The following FOXP1 variants were observed in gnomAD, a reference collection of about 807,000 sequenced individuals.
The protein encoded by FOXP1 is forkhead box P1, also known as forkhead box protein P1.
Under a neutral mutation model 98.2 loss-of-function variants are expected in FOXP1, and 15 were observed. That is an observed-to-expected ratio of 0.15 (90% confidence interval 0.10 to 0.24). The LOEUF is 0.24. FOXP1 is among the 10% of genes least tolerant of loss of function. FOXP1 has a pLI of 1.00. For synonymous variants in FOXP1, 371 were observed against 314.5 expected (o/e 1.18, Z -1.90); for missense variants, 633 against 848.5 (o/e 0.75, Z 3.15).
At chr3:71,160,047 C>A (rs1371969735) in intron 6 of FOXP1, among the ~76,000 whole-genome samples, 1 of 152,214 alleles carries the variant, frequency 6.6e-6, no homozygotes, top group Non-Finnish European at 1.5e-5. Flanking sequence ...CTGCAGAAGG[C>A]TCAAGAACCA....
chr3:71,384,897 G>T (rs576375751), intron 3 of FOXP1, among the ~76,000 whole-genome samples: 1 of 152,138 alleles, frequency 6.6e-6, no homozygotes, highest in Non-Finnish European at 1.5e-5. Context: ...CTAGAACCCT[G>T]AAAGGAAATC....
Position 71,198,331 on chromosome 3 carries a change from C to T in FOXP1, c.51G>A (p.Gln17=), listed in dbSNP as rs368833720. ...TETKSNGSAI[Q]NGSGGSNHLL... is the part of the protein sequence containing the mutation. ...AGTGGTTGCTGCCGCCCGACCCATT[C>T]TGGATGGCTGAACCGTTACTTTTTG... Residue 17 remains glutamine, a synonymous_variant, in exon 6 of 21, where the codon CAG becomes CAA. Transcript: ENST00000649528. The T allele has an allele frequency of 1.1e-5, 18 of 1,604,672 alleles. No homozygotes were observed. Among genetic ancestry groups the T allele is most frequent in the Non-Finnish European group, 1.5e-5 (18 of 1,177,284 alleles).
Position 71,222,559 on chromosome 3 carries a change from C to T in FOXP1, c.-11-24167G>A, listed in dbSNP as rs76430377. 2.0e-3 allele frequency among the ~76,000 whole-genome samples: 308 copies of T among 152,276 alleles called. 10 individuals are homozygous for T. In the East Asian group the frequency reaches 0.055, roughly 27 times the overall value. On this transcript the variant is annotated intron_variant, in intron 5 of 20. Transcript: ENST00000649528. ...TTAGCCTCCAGAGTAGCTGGGATTA[C>T]AGGTGCCCGCCACCACGCCTGGCTA...
intron 6 of FOXP1, among the ~76,000 whole-genome samples, chr3:71,136,988 C>G (rs2059849674): frequency 6.6e-6 from 1 of 152,162 alleles, no homozygotes; most frequent in Non-Finnish European, 1.5e-5. Flanking sequence ...CAGATCTCAG[C>G]TTCCTTTATG....
chr3:70,974,668 G>A (rs2037117872), intron 17 of FOXP1, among the ~76,000 whole-genome samples: 1 of 152,104 alleles, frequency 6.6e-6, no homozygotes, highest in Non-Finnish European at 1.5e-5. Flanking sequence ...AAATTGAGGT[G>A]GTATAAATAA....
chr3:71,109,427 G>GGGGGT (rs557144542), intron 7 of FOXP1, among the ~76,000 whole-genome samples: 2 of 147,528 alleles, frequency 1.4e-5, no homozygotes, highest in Non-Finnish European at 3.0e-5. Context: ...GGATTTGGGG[G>GGGGGT]TTTTTTTTTT....
intron 5 of FOXP1, among the ~76,000 whole-genome samples, chr3:71,298,106 A>C (rs1337324714): frequency 6.6e-6 from 1 of 152,172 alleles, no homozygotes; most frequent in Non-Finnish European, 1.5e-5. Context: ...GAAAATATTT[A>C]CTATGTGGCC....
At chr3:71,417,644 T>G (rs1482019406) in intron 3 of FOXP1, among the ~76,000 whole-genome samples, 2 of 152,144 alleles carry the variant, frequency 1.3e-5, no homozygotes, top group Non-Finnish European at 2.9e-5. Flanking sequence ...ATATTTTATG[T>G]GGAGCTAAAT....
intron 3 of FOXP1, among the ~76,000 whole-genome samples, chr3:71,378,060 A>T (rs1383805354): frequency 6.6e-6 from 1 of 150,852 alleles, no homozygotes; most frequent in East Asian, 2.0e-4. Context: ...TCCTTTCCAA[A>T]TCATATGCGA....
intron 12 of FOXP1, among the ~76,000 whole-genome samples, chr3:71,005,459 G>A (rs1188304846): frequency 2.0e-5 from 3 of 151,340 alleles, no homozygotes; most frequent in Non-Finnish European, 1.5e-5. Context: ...ATCTGTAATA[G>A]GCAGAATTCT....
At chr3:71,243,337 C>G (rs1055892789) in intron 5 of FOXP1, among the ~76,000 whole-genome samples, 1 of 152,190 alleles carries the variant, frequency 6.6e-6, no homozygotes, top group Non-Finnish European at 1.5e-5. Flanking sequence ...GACAGGGCTA[C>G]AGTGCATGCA....
chr3:71,200,646 A>G (rs1576352668), intron 5 of FOXP1, among the ~76,000 whole-genome samples: 1 of 152,248 alleles, frequency 6.6e-6, no homozygotes. Context: ...TTAAGACTTT[A>G]ATGTGAAATA....
intron 20 of FOXP1, among the ~76,000 whole-genome samples, chr3:70,961,244 T>A (rs190758207): frequency 7.4e-4 from 113 of 151,998 alleles, no homozygotes; most frequent in Non-Finnish European, 2.2e-4. Context: ...ATTTATTTAT[T>A]TATTGAGACA....
chr3:71,417,475 T>A (rs2083302365), intron 3 of FOXP1, among the ~76,000 whole-genome samples: 1 of 152,170 alleles, frequency 6.6e-6, no homozygotes, highest in African/African-American at 2.4e-5. Flanking sequence ...CAGCAGATGC[T>A]AAGGATGGCA....
At chr3:71,033,567 GT>G (rs1244120885) in intron 11 of FOXP1, among the ~76,000 whole-genome samples, 1 of 132,722 alleles carries the variant, frequency 7.5e-6, no homozygotes, top group Non-Finnish European at 1.6e-5. Context: ...AATGGCTGAG[GT>G]TTTTTTGTTT....
rs138832833 is a variant in FOXP1 at position 71,542,597 on chromosome 3, G to T, written c.-298+38952C>A. Among the ~76,000 whole-genome samples the T allele has an allele frequency of 3.8e-3, 585 of 152,338 alleles. 3 individuals are homozygous for T. Among genetic ancestry groups the T allele is most frequent in the African/African-American group, 0.013 (535 of 41,564 alleles). ...ATGTTGGCTGTTAAGCCGCACAGACGACACAGTTCATGACTTTTCTAAGAC... is the reference window on the plus strand; with the variant it reads ...ATGTTGGCTGTTAAGCCGCACAGACTACACAGTTCATGACTTTTCTAAGAC... On this transcript the variant is annotated intron_variant, in intron 2 of 20. Coordinates refer to ENST00000649528, the MANE Select transcript of FOXP1 (RefSeq NM_001349338.3).
intron 6 of FOXP1, among the ~76,000 whole-genome samples, chr3:71,178,999 G>A (rs1398138511): frequency 1.4e-5 from 2 of 142,716 alleles, no homozygotes; most frequent in African/African-American, 2.7e-5. Context: ...GACCCTGGGA[G>A]GCACTCTGTC....
chr3:71,526,058 T>G (rs1221151720), intron 2 of FOXP1, among the ~76,000 whole-genome samples: 1 of 152,044 alleles, frequency 6.6e-6, no homozygotes, highest in Non-Finnish European at 1.5e-5. Context: ...GAGACAGAAT[T>G]TGCAGTGAGC....
rs531979896 is a variant in FOXP1, at chr3:71,209,108, A to G, written c.-11-10716T>C. On this transcript the variant is annotated intron_variant, in intron 5 of 20. Coordinates refer to ENST00000649528, the MANE Select transcript of FOXP1 (RefSeq NM_001349338.3). ...ACTGGTGACATTACTTAGAAATTAAAAAACAAAAAACAGGCCCCTTTAAGA... is the reference window on the plus strand; with the variant it reads ...ACTGGTGACATTACTTAGAAATTAAGAAACAAAAAACAGGCCCCTTTAAGA... Among the ~76,000 whole-genome samples, 3 of 152,332 alleles carry G rather than the reference A, an allele frequency of 2.0e-5. No individual in the cohort carries two copies. In the South Asian group the frequency reaches 6.2e-4, roughly 32 times the overall value.
Sources: allele counts gnomAD v4.1 joint callset (sites outside exome capture counted in the v4.1 genomes callset), GRCh38; gene constraint gnomAD v4.1.1; transcripts MANE v1.5; gene names NCBI Gene and HGNC (gene_info 2026-07-23, HGNC 2026-07-21).